UGT8: variants seen among roughly 807,000 people sequenced by gnomAD.
UGT8 encodes the protein UDP glycosyltransferase 8, also known as 2-hydroxyacylsphingosine 1-beta-galactosyltransferase.
Under a neutral mutation model 40.5 loss-of-function variants are expected in UGT8, and 12 were observed. The observed-to-expected ratio is 0.30, with a 90% CI of 0.19 to 0.48. The LOEUF is 0.48. Among genes scored for constraint, UGT8 ranks in the 20% least tolerant of loss-of-function variants. UGT8 has a pLI of 0.99. For missense variants in UGT8, 513 were observed against 648.7 expected (o/e 0.79, Z 2.27); for synonymous variants, 224 against 240.4 (o/e 0.93, Z 0.63).
At chr4:114,614,757 T>G (rs1731297290) in intron 1 of UGT8, among the ~76,000 whole-genome samples, 2 of 152,084 alleles carry the variant, frequency 1.3e-5, no homozygotes, top group African/African-American at 4.8e-5. Flanking sequence ...CTAGAGTTAC[T>G]TATATTTATT....
chr4:114,633,952 AG>A (rs1475552407), intron 2 of UGT8, among the ~76,000 whole-genome samples: 1 of 151,910 alleles, frequency 6.6e-6, no homozygotes, highest in African/African-American at 2.4e-5. Flanking sequence ...AAAAAAAAAA[AG>A]GATCACTCTG....
At chr4:114,660,253 A>G (rs751745601) in intron 2 of UGT8, among the ~76,000 whole-genome samples, 10 of 152,206 alleles carry the variant, frequency 6.6e-5, no homozygotes, top group Non-Finnish European at 1.2e-4. Context: ...TAATATCTAA[A>G]GGGTAAATTC....
chr4:114,670,430 C>CAAAA (rs70964319), intron 5 of UGT8, among the ~76,000 whole-genome samples: 41 of 57,264 alleles, frequency 7.2e-4, no homozygotes, highest in African/African-American at 1.4e-3. Context: ...GACTCTGTCT[C>CAAAA]AAAAAAAAAA....
intron 2 of UGT8, among the ~76,000 whole-genome samples, chr4:114,640,864 C>A (rs1733180912): frequency 6.6e-6 from 1 of 152,184 alleles, no homozygotes; most frequent in South Asian, 2.1e-4. Flanking sequence ...GGGTCCTTCT[C>A]ATAACACATG....
At chr4:114,612,892 CT>C (rs946077460) in intron 1 of UGT8, among the ~76,000 whole-genome samples, 4 of 152,100 alleles carry the variant, frequency 2.6e-5, no homozygotes, top group African/African-American at 9.7e-5. Flanking sequence ...AAGGTAAATT[CT>C]TTTTCTTTTC....
In UGT8 at chr4:114,664,016, G is replaced by T; in HGVS notation, c.844G>T (p.Gly282Cys). The change falls in exon 3 of 6, where the codon GGT (glycine) becomes TGT (cysteine). Residue 282 changes from glycine to cysteine, a missense_variant. Physicochemically the swap from Gly to Cys is radical, Grantham distance 159 (BLOSUM62 -3). Around this residue, in one of 3 missense-constraint regions of UGT8, gnomAD observed 335 missense variants for 444.8 expected, o/e 0.75. Transcript: ENST00000310836. ...LPEDLQRWVN[G>C]ANEHGFVLVS... is the part of the protein sequence containing the mutation. ...ACAGGATCTCCAAAGATGGGTAAAT[G>T]GTGCTAATGAACATGGCTTTGTCTT... 6.2e-7 allele frequency: 1 copy of T among 1,613,856 alleles called. No individual in the cohort carries two copies. Among genetic ancestry groups the T allele is most frequent in the Non-Finnish European group, 8.5e-7 (1 of 1,179,898 alleles).
chr4:114,665,379 G>C, intron 3 of UGT8: 1 of 985,136 alleles, frequency 1.0e-6, no homozygotes. Flanking sequence ...AGGTTTATTT[G>C]TTTGTTGTTT....
intron 2 of UGT8, among the ~76,000 whole-genome samples, chr4:114,629,128 A>C (rs1450192016): frequency 1.3e-5 from 2 of 152,162 alleles, no homozygotes; most frequent in Non-Finnish European, 2.9e-5. Flanking sequence ...TGGAAAATTA[A>C]GGCCATTTTT....
intron 2 of UGT8, among the ~76,000 whole-genome samples, chr4:114,652,674 C>A (rs561475920): frequency 6.6e-6 from 1 of 151,810 alleles, no homozygotes; most frequent in South Asian, 2.1e-4. Flanking sequence ...CACATAAATC[C>A]AAATTTTAGT....
At chr4:114,644,653 A>G (rs563634342) in intron 2 of UGT8, among the ~76,000 whole-genome samples, 1 of 152,268 alleles carries the variant, frequency 6.6e-6, no homozygotes, top group South Asian at 2.1e-4. Context: ...AATTGATACA[A>G]TTTATAATTT....
In UGT8 at chr4:114,623,122, C is replaced by T; in HGVS notation, c.242C>T (p.Thr81Ile). Residue 81 changes from threonine to isoleucine, a missense_variant, in exon 2 of 6, where the codon ACC becomes ATC. Physicochemically the swap from Thr to Ile is moderately conservative, Grantham distance 89 (BLOSUM62 -1). Around this residue, in one of 3 missense-constraint regions of UGT8, gnomAD observed 335 missense variants for 444.8 expected, o/e 0.75. Coordinates refer to ENST00000310836, the MANE Select transcript of UGT8 (RefSeq NM_001128174.3). ...QRYPGIFNST[T>I]SDAFLQSKMR... ...TACCCAGGGATCTTTAACAGTACCA[C>T]CTCAGATGCTTTCCTACAGTCCAAG... The T allele has an allele frequency of 6.2e-7, 1 of 1,614,108 alleles. No individual in the cohort carries two copies. Among genetic ancestry groups the T allele is most frequent in the Non-Finnish European group, 8.5e-7 (1 of 1,180,012 alleles).
chr4:114,647,717 T>C (rs1255791780), intron 2 of UGT8, among the ~76,000 whole-genome samples: 1 of 152,054 alleles, frequency 6.6e-6, no homozygotes, highest in Non-Finnish European at 1.5e-5. Flanking sequence ...GTATCTCCAT[T>C]TTCAGATTAG....
chr4:114,627,631 A>G (rs1732317497), intron 2 of UGT8, among the ~76,000 whole-genome samples: 2 of 152,160 alleles, frequency 1.3e-5, no homozygotes, highest in Admixed American at 6.6e-5. Context: ...ATTTTTATTA[A>G]TTTTATTAGC....
intron 2 of UGT8, among the ~76,000 whole-genome samples, chr4:114,659,971 T>C (rs1734415706): frequency 6.6e-6 from 1 of 152,220 alleles, no homozygotes; most frequent in South Asian, 2.1e-4. Context: ...ATTAAATAAC[T>C]AATGTTGACA....
chr4:114,660,830 G>C (rs1477675461), intron 2 of UGT8, among the ~76,000 whole-genome samples: 1 of 150,814 alleles, frequency 6.6e-6, no homozygotes, highest in Non-Finnish European at 1.5e-5. Context: ...GGTGGAGCCT[G>C]CAGTAAGCCG....
intron 1 of UGT8, among the ~76,000 whole-genome samples, chr4:114,614,017 A>G (rs574255325): frequency 1.3e-5 from 2 of 152,072 alleles, no homozygotes; most frequent in Non-Finnish European, 2.9e-5. Context: ...TTTTCTCACT[A>G]TATTTTTGTT....
At chr4:114,599,943 C>T (rs28459461) in intron 1 of UGT8, among the ~76,000 whole-genome samples, 7,626 of 152,158 alleles carry the variant, frequency 0.05, 403 homozygotes, top group African/African-American at 0.13. Flanking sequence ...AAATTGAGTA[C>T]GGTAAACCTG....
chr4:114,624,212 A>G (rs1732041720), intron 2 of UGT8, among the ~76,000 whole-genome samples: 1 of 152,230 alleles, frequency 6.6e-6, no homozygotes, highest in Non-Finnish European at 1.5e-5. Flanking sequence ...GAGTTGGTTA[A>G]TTTAAGCTAG....
intron 5 of UGT8, among the ~76,000 whole-genome samples, chr4:114,675,248 T>C (rs1735551944): frequency 6.6e-6 from 1 of 152,178 alleles, no homozygotes; most frequent in African/African-American, 2.4e-5. Flanking sequence ...ATAAATTTAG[T>C]TTCCATCCTG....
Sources: allele counts gnomAD v4.1 joint callset (sites outside exome capture counted in the v4.1 genomes callset), GRCh38; gene constraint gnomAD v4.1.1; regional missense constraint gnomAD v4.1.1; transcripts MANE v1.5; gene names NCBI Gene and HGNC (gene_info 2026-07-23, HGNC 2026-07-21).